The following MDGA2 variants were observed in gnomAD, a reference collection of about 807,000 sequenced individuals.
MDGA2 encodes MAM domain containing glycosylphosphatidylinositol anchor 2.
A neutral mutation model predicts 117.8 loss-of-function variants in MDGA2; 40 were observed. The ratio of observed to expected loss-of-function variants is 0.34; its 90% CI spans 0.26 to 0.44. The LOEUF (loss-of-function observed/expected upper bound fraction) is 0.44. MDGA2 is among the 20% of genes least tolerant of loss of function. The probability of loss-of-function intolerance (pLI) is 1.00; values close to 1 mark genes in which losing one functional copy is unlikely to be tolerated. For synonymous variants in MDGA2, 452 were observed against 439.0 expected (o/e 1.03, Z -0.37); for missense variants, 1,123 against 1,250.6 (o/e 0.90, Z 1.54).
At chr14:47,308,505 T>G (rs1017872943) in intron 1 of MDGA2, among the ~76,000 whole-genome samples, 7 of 115,800 alleles carry the variant, frequency 6.0e-5, no homozygotes, top group African/African-American at 2.1e-4. Flanking sequence ...TCTGTTAGTT[T>G]TTTTTTTTTT....
intron 1 of MDGA2, among the ~76,000 whole-genome samples, chr14:47,659,123 C>G (rs1371845364): frequency 1.3e-5 from 2 of 152,230 alleles, no homozygotes; most frequent in African/African-American, 4.8e-5. Flanking sequence ...GAAATCCTAT[C>G]ACCCTGCTAT....
At chr14:47,407,060 T>C (rs1255211339) in intron 1 of MDGA2, among the ~76,000 whole-genome samples, 1 of 152,086 alleles carries the variant, frequency 6.6e-6, no homozygotes, top group East Asian at 1.9e-4. Context: ...CAAAACATTA[T>C]GTAGGTTGTT....
chr14:47,090,901 T>A (rs562953641), intron 6 of MDGA2, among the ~76,000 whole-genome samples: 1 of 152,138 alleles, frequency 6.6e-6, no homozygotes, highest in Non-Finnish European at 1.5e-5. Flanking sequence ...TAAAGAAGCA[T>A]TGAAGATTAC....
chr14:47,234,859 G>A (rs993722649), intron 2 of MDGA2, among the ~76,000 whole-genome samples: 2 of 152,068 alleles, frequency 1.3e-5, no homozygotes, highest in African/African-American at 4.8e-5. Flanking sequence ...ATTCTCTGAT[G>A]GAAGTATTTA....
intron 1 of MDGA2, among the ~76,000 whole-genome samples, chr14:47,394,026 CT>C (rs1298487951): frequency 1.3e-5 from 2 of 152,188 alleles, no homozygotes; most frequent in East Asian, 1.9e-4. Flanking sequence ...TACAAAATTG[CT>C]TGTGAACCTG....
chr14:47,033,218 TAATC>T (rs1181673401), intron 8 of MDGA2, among the ~76,000 whole-genome samples: 1 of 152,246 alleles, frequency 6.6e-6, no homozygotes, highest in Non-Finnish European at 1.5e-5. Flanking sequence ...GAAATTTAGT[TAATC>T]AATAGAATTC....
chr14:47,535,207 T>C (rs1260241949), intron 1 of MDGA2, among the ~76,000 whole-genome samples: 3 of 152,344 alleles, frequency 2.0e-5, no homozygotes, highest in Middle Eastern at 3.4e-3. Flanking sequence ...CACAATTTCT[T>C]TCATATAACA....
At chr14:47,332,900 C>T (rs1190584617) in intron 1 of MDGA2, among the ~76,000 whole-genome samples, 1 of 151,926 alleles carries the variant, frequency 6.6e-6, no homozygotes, top group Non-Finnish European at 1.5e-5. Flanking sequence ...TAAGTGAGAA[C>T]ATGTGGTACT....
At chr14:47,291,425 A>G (rs1258900439) in intron 2 of MDGA2, among the ~76,000 whole-genome samples, 2 of 152,170 alleles carry the variant, frequency 1.3e-5, no homozygotes, top group African/African-American at 4.8e-5. Flanking sequence ...TGATGTAATC[A>G]ATGCAATGGA....
At chr14:46,979,552 G>A (rs1161836062) in intron 8 of MDGA2, among the ~76,000 whole-genome samples, 1 of 152,158 alleles carries the variant, frequency 6.6e-6, no homozygotes, top group African/African-American at 2.4e-5. Context: ...AATTAAAAGT[G>A]CTACTCCAGG....
intron 8 of MDGA2, among the ~76,000 whole-genome samples, chr14:46,966,075 C>G (rs1886019174): frequency 6.9e-6 from 1 of 144,460 alleles, no homozygotes; most frequent in South Asian, 2.1e-4. Flanking sequence ...TACATGTATA[C>G]TGAAGGATGA....
At chr14:47,425,983 T>A (rs1015445542) in intron 1 of MDGA2, among the ~76,000 whole-genome samples, 1 of 152,006 alleles carries the variant, frequency 6.6e-6, no homozygotes, top group African/African-American at 2.4e-5. Flanking sequence ...CAGGATCCCA[T>A]ATCAAACTTA....
Position 47,288,137 on chromosome 14 carries a change from C to T in MDGA2, c.420+13274G>A, listed in dbSNP as rs1184031828. Among the ~76,000 whole-genome samples, 3 of 152,194 alleles carry T rather than the reference C, an allele frequency of 2.0e-5. No individual in the cohort carries two copies. In the East Asian group the frequency reaches 5.8e-4, roughly 29 times the overall value. ...CAAGGGAAGTAATACAAGGCACTAT[C>T]ACACAATTCAGGCACTTGCCCAATT... On this transcript the variant is annotated intron_variant, in intron 2 of 16. Coordinates refer to ENST00000399232, the MANE Select transcript of MDGA2 (RefSeq NM_001113498.3).
At chr14:47,657,417 T>C (rs1404314275) in intron 1 of MDGA2, among the ~76,000 whole-genome samples, 3 of 152,156 alleles carry the variant, frequency 2.0e-5, no homozygotes, top group Non-Finnish European at 4.4e-5. Context: ...ACATTATCCA[T>C]ATACTGAATA....
At chr14:47,563,652 TG>T (rs1045500224) in intron 1 of MDGA2, among the ~76,000 whole-genome samples, 18 of 147,312 alleles carry the variant, frequency 1.2e-4, no homozygotes, top group Admixed American at 1.2e-3. Flanking sequence ...TTTGAGCCTA[TG>T]ATGTCACCAC....
intron 1 of MDGA2, among the ~76,000 whole-genome samples, chr14:47,627,979 C>T (rs766366999): frequency 4.6e-5 from 7 of 152,130 alleles, no homozygotes; most frequent in Admixed American, 2.0e-4. Flanking sequence ...CGTGAGGGTC[C>T]GCGGCTTCAT....
chr14:47,499,765 A>G (rs1894360828), intron 1 of MDGA2, among the ~76,000 whole-genome samples: 2 of 152,100 alleles, frequency 1.3e-5, no homozygotes, highest in African/African-American at 2.4e-5. Flanking sequence ...CTGTCTCCCT[A>G]GAAGGGGCAG....
At chr14:46,905,750 A>C (rs114405094) in intron 10 of MDGA2, among the ~76,000 whole-genome samples, 131 of 152,248 alleles carry the variant, frequency 8.6e-4, no homozygotes, top group African/African-American at 2.8e-3. Context: ...AAAAAGAAAA[A>C]AGCATGTTCA....
intron 9 of MDGA2, among the ~76,000 whole-genome samples, chr14:46,945,331 T>C (rs533382506): frequency 6.6e-6 from 1 of 152,242 alleles, no homozygotes; most frequent in South Asian, 2.1e-4. Flanking sequence ...TACTCTGACA[T>C]GGTTTTTGTT....
Sources: allele counts gnomAD v4.1 joint callset (sites outside exome capture counted in the v4.1 genomes callset), GRCh38; gene constraint gnomAD v4.1.1; transcripts MANE v1.5; gene names NCBI Gene and HGNC (gene_info 2026-07-23, HGNC 2026-07-21).